PEAK1: variants seen among roughly 807,000 people sequenced by gnomAD.
The protein encoded by PEAK1 is inactive tyrosine-protein kinase PEAK1.
In PEAK1, 54 loss-of-function variants were observed where a neutral mutation model predicts 124.7. That is an observed-to-expected ratio of 0.43 (90% CI 0.35 to 0.54). PEAK1 has a LOEUF of 0.54. Ranked by LOEUF, PEAK1 falls within the 20% of genes least tolerant of loss-of-function variation. PEAK1 has a pLI of 0.01. For missense variants in PEAK1, 2,046 were observed against 2,134.5 expected (o/e 0.96, Z 0.82); for synonymous variants, 719 against 760.0 (o/e 0.95, Z 0.89).
At chr15:77,404,428 A>G (rs1279687811) in intron 1 of PEAK1, 1 of 734,392 alleles carries the variant, frequency 1.4e-6, no homozygotes, top group African/African-American at 1.9e-5. Context: ...TTGGATTTGG[A>G]AGACAGAAAA....
intron 6 of PEAK1, among the ~76,000 whole-genome samples, chr15:77,250,713 G>A (rs369067861): frequency 6.6e-6 from 1 of 151,604 alleles, no homozygotes; most frequent in Admixed American, 6.6e-5. Context: ...GATTACAGGC[G>A]TATGCCACTG....
chr15:77,114,533 G>A lies in PEAK1; in HGVS notation c.4864C>T (p.Arg1622Ter), dbSNP rs767322763. The A allele has an allele frequency of 5.6e-6, 9 of 1,614,038 alleles. No homozygotes were observed. The highest frequency in any genetic ancestry group is 1.3e-5 in the African/African-American group (1 of 74,934). Reference protein sequence around the residue: ...NPELKEREYTRADLPRIPFRS... With the variant: ...NPELKEREYT ...AATGGGATGCGAGGCAGGTCTGCTC[G>A]TGTGTATTCCCTCTCCTTCAGCTCT... Residue 1622 changes from arginine (R) to a stop codon, truncating the protein, a stop_gained, in exon 10 of 10, where the codon CGA (arginine) becomes TGA (stop). Coordinates refer to ENST00000682557, the MANE Select transcript of PEAK1 (RefSeq NM_001385026.1). LOFTEE classifies it high-confidence loss of function.
intron 2 of PEAK1, chr15:77,334,162 C>A: frequency 1.0e-6 from 1 of 960,668 alleles, no homozygotes; most frequent in African/African-American, 1.8e-5. Flanking sequence ...TAGTTTCCAA[C>A]TAGGTATTCC....
intron 2 of PEAK1, among the ~76,000 whole-genome samples, chr15:77,316,913 A>C (rs2064914667): frequency 6.6e-6 from 1 of 152,058 alleles, no homozygotes; most frequent in Non-Finnish European, 1.5e-5. Flanking sequence ...CCCTGTCTCT[A>C]CTAAAAAAAA....
intron 1 of PEAK1, chr15:77,418,576 G>A: frequency 1.0e-6 from 1 of 984,752 alleles, no homozygotes; most frequent in Non-Finnish European, 1.2e-6. Context: ...TACCATATCT[G>A]CCATTACAGT....
intron 6 of PEAK1, among the ~76,000 whole-genome samples, chr15:77,205,285 AAAAAAG>A (rs2058585289): frequency 1.3e-5 from 2 of 151,876 alleles, no homozygotes; most frequent in African/African-American, 2.4e-5. Flanking sequence ...TAAAAAAAAA[AAAAAAG>A]AAGTTAAATA....
chr15:77,364,945 C>A (rs889332399), intron 2 of PEAK1, among the ~76,000 whole-genome samples: 1 of 152,074 alleles, frequency 6.6e-6, no homozygotes, highest in Non-Finnish European at 1.5e-5. Flanking sequence ...AGAAAAAATT[C>A]ACTCAAAAGT....
At chr15:77,307,794 G>C (rs1157794492) in intron 2 of PEAK1, among the ~76,000 whole-genome samples, 1 of 152,036 alleles carries the variant, frequency 6.6e-6, no homozygotes, top group East Asian at 1.9e-4. Flanking sequence ...AATAGTCCAA[G>C]TACTGGAAAA....
At chr15:77,289,519 A>G (rs1275154501) in intron 2 of PEAK1, among the ~76,000 whole-genome samples, 4 of 152,214 alleles carry the variant, frequency 2.6e-5, no homozygotes, top group African/African-American at 9.6e-5. Flanking sequence ...AATGCAATAT[A>G]ATTAAAAAGC....
At chr15:77,138,799 T>C (rs1244053873) in intron 8 of PEAK1, among the ~76,000 whole-genome samples, 1 of 151,258 alleles carries the variant, frequency 6.6e-6, no homozygotes, top group African/African-American at 2.4e-5. Context: ...GAGGCGGAGG[T>C]TGCAGTGAGC....
At chr15:77,213,582 G>T (rs977600449) in intron 6 of PEAK1, among the ~76,000 whole-genome samples, 1 of 151,978 alleles carries the variant, frequency 6.6e-6, no homozygotes, top group Non-Finnish European at 1.5e-5. Flanking sequence ...CCATCTACTT[G>T]GGCAGCTGAG....
At chr15:77,381,330 G>T in intron 1 of PEAK1, 1 of 803,336 alleles carries the variant, frequency 1.2e-6, no homozygotes, top group Non-Finnish European at 1.5e-6. Flanking sequence ...CGAAAGCACT[G>T]CTTGAGGCCA....
At chr15:77,241,383 T>C (rs7179277) in intron 6 of PEAK1, among the ~76,000 whole-genome samples, 2,209 of 152,270 alleles carry the variant, frequency 0.015, 48 homozygotes, top group African/African-American at 0.048. Context: ...TCGTATTTAA[T>C]AGTGAGACTG....
At chr15:77,320,044 A>T (rs2065102249) in intron 2 of PEAK1, among the ~76,000 whole-genome samples, 4 of 152,186 alleles carry the variant, frequency 2.6e-5, no homozygotes, top group African/African-American at 7.2e-5. Flanking sequence ...TCTCTTAGTA[A>T]TCATCACTGA....
At chr15:77,104,786 C>A (rs905950072), downstream of PEAK1, 2 of 152,190 alleles carry the variant, frequency 1.3e-5, no homozygotes, top group African/African-American at 4.8e-5. Flanking sequence ...GGATCTGGGG[C>A]AAACAAACCC....
chr15:77,160,665 ACT>A (rs2055557597), intron 7 of PEAK1, among the ~76,000 whole-genome samples: 1 of 151,982 alleles, frequency 6.6e-6, no homozygotes, highest in African/African-American at 2.4e-5. Flanking sequence ...ACAGAGTGAG[ACT>A]CTGTCTCAAA....
Position 77,313,738 on chromosome 15 carries a change from A to ATATATATATT in PEAK1, c.-602-27235_-602-27234insAATATATATA, listed in dbSNP as rs1555478198. ...TGTGTGTGTGTGTGTATATATATAT[A>ATATATATATT]TATTTATTTATTTATTTATTTTTAG... On this transcript the variant is annotated intron_variant, in intron 2 of 9. Transcript: ENST00000682557. 1.2e-4 allele frequency among the ~76,000 whole-genome samples: 17 copies of ATATATATATT among 143,690 alleles called. 1 individual carries two copies. The highest frequency in any genetic ancestry group is 3.7e-4 in the African/African-American group (14 of 38,092). 94.3% of individuals were successfully genotyped at this position (143,690 alleles called of 152,430 possible). A position where few individuals can be genotyped will look rare whatever the true frequency, so the allele number is the denominator to read the frequency against.
chr15:77,262,528 GTAA>G (rs1260137084), intron 5 of PEAK1, among the ~76,000 whole-genome samples: 1 of 151,602 alleles, frequency 6.6e-6, no homozygotes, highest in African/African-American at 2.4e-5. Flanking sequence ...TTACATAATG[GTAA>G]AGGGATCAAT....
chr15:77,225,629 A>G (rs903922039), intron 6 of PEAK1, among the ~76,000 whole-genome samples: 2 of 115,780 alleles, frequency 1.7e-5, no homozygotes, highest in Admixed American at 9.8e-5. Context: ...CTTTCTACAG[A>G]TGTGTGTGTG....
Sources: gnomAD v4.1 joint callset for allele counts (sites outside exome capture counted in the v4.1 genomes callset) on GRCh38, gnomAD v4.1.1 for gene constraint, MANE v1.5 for transcripts, NCBI Gene and HGNC (gene_info 2026-07-23, HGNC 2026-07-21) for gene names.